The following PLGRKT variants were observed in gnomAD, a reference collection of about 807,000 sequenced individuals.
PLGRKT encodes the protein plasminogen receptor (KT).
In PLGRKT, 22 loss-of-function variants were observed where a neutral mutation model predicts 18.5. That is an observed-to-expected ratio of 1.19 (90% CI 0.85 to 1.70). The LOEUF is 1.70. PLGRKT is among the 40% of genes most tolerant of loss of function. The pLI, the probability that PLGRKT is intolerant of heterozygous loss-of-function variation, is 0.00. For synonymous variants in PLGRKT, 72 were observed against 52.8 expected (o/e 1.36, Z -1.58); for missense variants, 235 against 174.4 (o/e 1.35, Z -1.96).
At chr9:5,435,634 G>C (rs907547855) in intron 2 of PLGRKT, among the ~76,000 whole-genome samples, 1 of 152,238 alleles carries the variant, frequency 6.6e-6, no homozygotes, top group African/African-American at 2.4e-5. Flanking sequence ...ACAAGGGACA[G>C]AACTCCAATT....
At chr9:5,389,811 A>C (rs1817914036) in intron 3 of PLGRKT, among the ~76,000 whole-genome samples, 1 of 151,942 alleles carries the variant, frequency 6.6e-6, no homozygotes, top group African/African-American at 2.4e-5. Context: ...ATAAGGACAA[A>C]GTAGAGAAAC....
intron 3 of PLGRKT, among the ~76,000 whole-genome samples, chr9:5,375,436 C>A (rs1245370074): frequency 6.6e-6 from 1 of 152,026 alleles, no homozygotes; most frequent in African/African-American, 2.4e-5. Context: ...AATTAGTGTG[C>A]CCAGTATCAA....
chr9:5,407,322 A>G (rs1381651307), intron 3 of PLGRKT, among the ~76,000 whole-genome samples: 1 of 152,164 alleles, frequency 6.6e-6, no homozygotes, highest in Non-Finnish European at 1.5e-5. Context: ...ATGAACTTAA[A>G]CTGACATCAC....
chr9:5,382,338 C>T (rs1481409046), intron 3 of PLGRKT, among the ~76,000 whole-genome samples: 1 of 152,138 alleles, frequency 6.6e-6, no homozygotes, highest in African/African-American at 2.4e-5. Context: ...GGCAGGGCTG[C>T]CAGAGCTAGT....
chr9:5,404,862 C>A (rs945151300), intron 3 of PLGRKT, among the ~76,000 whole-genome samples: 1 of 151,984 alleles, frequency 6.6e-6, no homozygotes, highest in Admixed American at 6.6e-5. Context: ...ATGACATGAC[C>A]CTTTACCTAG....
Position 5,418,721 on chromosome 9 carries a change from G to T in PLGRKT, c.81+13176C>A. On this transcript the variant is annotated intron_variant, in intron 3 of 5. Transcript: ENST00000223864. The surrounding 1 kb of genome is among the most constrained non-coding windows in gnomAD (Gnocchi z 4.2). ...GGAAGTCTGATGAAGACCGGCATGT[G>T]CTCCGAAGCGTGTGGAATGGTGATG... The T allele has an allele frequency of 1.5e-6, 1 of 668,286 alleles. No individual in the cohort carries two copies. Among genetic ancestry groups the T allele is most frequent in the Non-Finnish European group, 2.8e-6 (1 of 361,746 alleles). 41.4% of individuals were successfully genotyped at this position (668,286 alleles called of 1,614,324 possible).
At chr9:5,420,264 A>T (rs767659581) in intron 3 of PLGRKT, among the ~76,000 whole-genome samples, 3 of 152,238 alleles carry the variant, frequency 2.0e-5, no homozygotes, top group Non-Finnish European at 2.9e-5. Context: ...GTTGGAAGTG[A>T]CTGGTTAACA....
At chr9:5,408,840 C>G (rs565571725) in intron 3 of PLGRKT, among the ~76,000 whole-genome samples, 5 of 152,252 alleles carry the variant, frequency 3.3e-5, no homozygotes, top group Admixed American at 6.5e-5. Context: ...ACACTGTTCC[C>G]CCACATCACA....
At chr9:5,408,401 A>AG (rs1818296194) in intron 3 of PLGRKT, among the ~76,000 whole-genome samples, 1 of 152,198 alleles carries the variant, frequency 6.6e-6, no homozygotes, top group African/African-American at 2.4e-5. Flanking sequence ...GCCCCTGCCA[A>AG]GGGATATGCG....
rs536711761 is a variant in PLGRKT at position 5,418,468 on chromosome 9, G to T, written c.81+13429C>A. The T allele has an allele frequency of 3.7e-6, 4 of 1,069,126 alleles. No individual in the cohort carries two copies. Among genetic ancestry groups the T allele is most frequent in the Non-Finnish European group, 4.3e-6 (3 of 689,888 alleles). The allele number at this position is 1,069,126 out of a possible 1,614,324, so 66.2% of individuals were successfully genotyped here. A position where few individuals can be genotyped will look rare whatever the true frequency, so the allele number is the denominator to read the frequency against. On this transcript the variant is annotated intron_variant, in intron 3 of 5. Transcript: ENST00000223864. This position sits in a 1 kb window ranked among gnomAD's most constrained non-coding sequence, Gnocchi z 4.2. ...CAAGACGCAAGCCACCAAGATGACA[G>T]TGCACACCCTCAACCACATGGAGCT...
intron 3 of PLGRKT, among the ~76,000 whole-genome samples, chr9:5,366,681 A>C (rs1817394740): frequency 6.6e-6 from 1 of 152,128 alleles, no homozygotes; most frequent in Non-Finnish European, 1.5e-5. Flanking sequence ...TCCCCTTGAA[A>C]ACTAGAACAA....
intron 3 of PLGRKT, among the ~76,000 whole-genome samples, chr9:5,409,226 G>A (rs7027256): frequency 0.23 from 34,890 of 152,068 alleles, 4,393 homozygotes; most frequent in Non-Finnish European, 0.29. Flanking sequence ...GTATATCTGT[G>A]AGGGTGTTGC....
intron 1 of PLGRKT, chr9:5,437,504 A>C (rs913069799): frequency 6.6e-6 from 1 of 152,214 alleles, no homozygotes; most frequent in Non-Finnish European, 1.5e-5. Context: ...TATTCCCCGC[A>C]ATAGTGTGCT....
At chr9:5,411,522 A>T (rs1350462963) in intron 3 of PLGRKT, among the ~76,000 whole-genome samples, 2 of 152,160 alleles carry the variant, frequency 1.3e-5, no homozygotes, top group African/African-American at 4.8e-5. Flanking sequence ...TGTGTCACTT[A>T]TCCATGGTTA....
At chr9:5,403,372 C>A (rs530926419) in intron 3 of PLGRKT, among the ~76,000 whole-genome samples, 2 of 149,312 alleles carry the variant, frequency 1.3e-5, no homozygotes, top group African/African-American at 5.1e-5. Flanking sequence ...TACAGGCGCA[C>A]GCCACCACTC....
chr9:5,382,735 G>A (rs112148762), intron 3 of PLGRKT, among the ~76,000 whole-genome samples: 1 of 152,194 alleles, frequency 6.6e-6, no homozygotes, highest in Admixed American at 6.5e-5. Context: ...GAGGGGAACA[G>A]GACTGAACAC....
rs933991204 is a variant in PLGRKT, at chr9:5,359,639, C to T, written c.323-1279G>A. ...TAGGGATTGTATATTTTAGGGTCAT[C>T]ACTATTAACATGGAAAAAAACTATA... On this transcript the variant is annotated intron_variant, in intron 5 of 5. Transcript: ENST00000223864. 2.0e-5 allele frequency among the ~76,000 whole-genome samples: 3 copies of T among 152,106 alleles called. No homozygotes were observed. The East Asian group carries it at 5.8e-4, about 29-fold the overall frequency.
chr9:5,396,590 C>T (rs546238094), intron 3 of PLGRKT, among the ~76,000 whole-genome samples: 8 of 152,064 alleles, frequency 5.3e-5, no homozygotes, highest in African/African-American at 7.3e-5. Context: ...CCACTGCATC[C>T]GGCCACAACA....
At chr9:5,359,192 A>G (rs965013832) in intron 5 of PLGRKT, among the ~76,000 whole-genome samples, 2 of 151,760 alleles carry the variant, frequency 1.3e-5, no homozygotes, top group Admixed American at 1.3e-4. Flanking sequence ...CCTCCTGAGT[A>G]GCTGGGACTA....
Sources: gnomAD v4.1 joint callset for allele counts (sites outside exome capture counted in the v4.1 genomes callset) on GRCh38, gnomAD v4.1.1 for gene constraint, Gnocchi (gnomAD v3.1) non-coding constraint, MANE v1.5 for transcripts, NCBI Gene and HGNC (gene_info 2026-07-23, HGNC 2026-07-21) for gene names.